Variants in CPEB3 observed in about 807,000 individuals in gnomAD.
CPEB3 encodes cytoplasmic polyadenylation element-binding protein 3.
Under a neutral mutation model 67.2 loss-of-function variants are expected in CPEB3, and 20 were observed. That is an observed-to-expected ratio of 0.30 (90% CI 0.21 to 0.43). The LOEUF is 0.43. Ranked by LOEUF, CPEB3 falls within the 20% of genes least tolerant of loss-of-function variation. CPEB3 has a pLI of 1.00. For synonymous variants in CPEB3, 376 were observed against 393.1 expected, an observed-to-expected ratio of 0.96 and a Z score of 0.51; for missense variants, 746 against 968.6, an observed-to-expected ratio of 0.77 and a Z score of 3.05.
At chr10:92,064,384 T>C (rs1438090449) in intron 9 of CPEB3, among the ~76,000 whole-genome samples, 1 of 152,202 alleles carries the variant, frequency 6.6e-6, no homozygotes, top group African/African-American at 2.4e-5. Context: ...ACATTAGCTC[T>C]GAGGTTGGGT....
At chr10:92,262,645 A>T (rs1852854881) in intron 1 of CPEB3, among the ~76,000 whole-genome samples, 1 of 152,088 alleles carries the variant, frequency 6.6e-6, no homozygotes, top group Non-Finnish European at 1.5e-5. Context: ...CCAGGAGTTC[A>T]AGACCAGCCT....
rs573479655 is a variant in CPEB3, at chr10:92,215,587, GC to G, written c.1006-22952del. ...CTCCTGAGTAGCTGGGATTACAGGC[GC>G]CCACCACTACGCCCAGCTAATTATC... On this transcript the variant is annotated intron_variant, in intron 2 of 9. Coordinates refer to ENST00000265997, the MANE Select transcript of CPEB3 (RefSeq NM_014912.5). Among the ~76,000 whole-genome samples, 22 of 148,842 alleles carry G rather than the reference GC, an allele frequency of 1.5e-4. 1 individual carries two copies. The highest frequency in any genetic ancestry group is 5.2e-4 in the African/African-American group (21 of 40,308).
At chr10:92,268,918 G>C (rs1853180818) in intron 1 of CPEB3, among the ~76,000 whole-genome samples, 1 of 152,094 alleles carries the variant, frequency 6.6e-6, no homozygotes, top group Admixed American at 6.6e-5. Flanking sequence ...GGCACAATTG[G>C]CAAATACACT....
chr10:92,223,033 G>C (rs546754615), intron 2 of CPEB3, among the ~76,000 whole-genome samples: 2 of 152,036 alleles, frequency 1.3e-5, no homozygotes, highest in African/African-American at 4.8e-5. Flanking sequence ...CTTTTATTGC[G>C]TATAATCCTC....
At chr10:92,092,290 C>G (rs551970831) in intron 7 of CPEB3, among the ~76,000 whole-genome samples, 1 of 152,134 alleles carries the variant, frequency 6.6e-6, no homozygotes, top group Admixed American at 6.5e-5. Context: ...CTGTTTACAA[C>G]GTGTCACAGT....
chr10:92,226,916 G>A (rs190745748), intron 2 of CPEB3, among the ~76,000 whole-genome samples: 39 of 152,086 alleles, frequency 2.6e-4, no homozygotes, highest in Admixed American at 2.6e-3. Context: ...CCAGATGTCC[G>A]CCCCCTCCCC....
At position 92,049,205 on chromosome 10, in the gene CPEB3, CTTTT is replaced by C. The variant is rs1243756006; in HGVS notation, c.*3003_*3006del. ...ATAAATCTGCAATAAAGATTTATGC[CTTTT>C]TTCTTTTCTTTTTTTTTTCTATTTT... On this transcript the variant is annotated 3_prime_UTR_variant, in exon 10 of 10. Coordinates refer to ENST00000265997, the MANE Select transcript of CPEB3 (RefSeq NM_014912.5). 6.6e-6 allele frequency: 1 copy of C among 151,954 alleles called. No individual in the cohort carries two copies. The highest frequency in any genetic ancestry group is 1.5e-5 in the Non-Finnish European group (1 of 67,894). 9.4% of individuals were successfully genotyped at this position (151,954 alleles called of 1,614,324 possible).
At chr10:92,090,049 T>A (rs1391482482) in intron 8 of CPEB3, among the ~76,000 whole-genome samples, 1 of 152,176 alleles carries the variant, frequency 6.6e-6, no homozygotes, top group African/African-American at 2.4e-5. Context: ...CCCTTACCTA[T>A]CCTTCCAAAT....
At chr10:92,267,904 C>A (rs1242714939) in intron 1 of CPEB3, among the ~76,000 whole-genome samples, 1 of 152,136 alleles carries the variant, frequency 6.6e-6, no homozygotes, top group Non-Finnish European at 1.5e-5. Context: ...CTGCCGCCTC[C>A]GCCTCCCGGG....
At chr10:92,125,186 G>A (rs1014412719) in intron 6 of CPEB3, among the ~76,000 whole-genome samples, 3 of 152,212 alleles carry the variant, frequency 2.0e-5, no homozygotes, top group Non-Finnish European at 4.4e-5. Context: ...CAAGGGTTTG[G>A]TCACTCTTGT....
intron 2 of CPEB3, among the ~76,000 whole-genome samples, chr10:92,206,625 T>TA (rs1433638831): frequency 3.3e-4 from 50 of 152,240 alleles, no homozygotes; most frequent in Non-Finnish European, 5.3e-4. Context: ...TTTATATATT[T>TA]ATTTATGTTC....
At chr10:92,231,325 T>C (rs2134563448) in intron 2 of CPEB3, among the ~76,000 whole-genome samples, 1 of 152,358 alleles carries the variant, frequency 6.6e-6, no homozygotes, top group South Asian at 2.1e-4. Flanking sequence ...ATATCAACAA[T>C]ATTTCCTCTT....
Position 92,203,457 on chromosome 10 carries a change from T to C in CPEB3, c.1006-10821A>G, listed in dbSNP as rs150075816. On this transcript the variant is annotated intron_variant, in intron 2 of 9. Transcript: ENST00000265997. ...ATATGTATATGTATATATATACGTATATATGTATATGTGTATATATATGTG... is the reference window on the plus strand; with the variant it reads ...ATATGTATATGTATATATATACGTACATATGTATATGTGTATATATATGTG... Among the ~76,000 whole-genome samples, 777 of 147,534 alleles carry C rather than the reference T, an allele frequency of 5.3e-3. 7 individuals are homozygous for C. Among genetic ancestry groups the C allele is most frequent in the African/African-American group, 0.018 (743 of 40,626 alleles).
chr10:92,192,192 C>T (rs1001491622), intron 3 of CPEB3, among the ~76,000 whole-genome samples: 5 of 152,052 alleles, frequency 3.3e-5, no homozygotes, highest in African/African-American at 1.2e-4. Flanking sequence ...TGCACAAAGC[C>T]CAGAAAACCT....
rs140779166 is a variant in CPEB3, at chr10:92,052,232, C to T, written c.2077G>A (p.Val693Ile). Residue 693 changes from valine (V) to isoleucine (I), a missense_variant, in exon 10 of 10, where the codon GTC becomes ATC. Val to Ile is a conservative substitution (Grantham distance 29). Transcript: ENST00000265997. ...VKEGGDRPRH[V>I]PFRWS is the part of the protein sequence containing the mutation. ...GTGGCTCAGCTCCAGCGGAACGGGA[C>T]GTGACGAGGGCGGTCGCCTCCCTCC... is the stretch of plus-strand genomic sequence containing the variant. The T allele has an allele frequency of 1.1e-3, 1,767 of 1,613,608 alleles. 2 individuals carry two copies. The highest frequency in any genetic ancestry group is 1.2e-3 in the South Asian group (113 of 91,058).
At chr10:92,135,613 A>C (rs1023595590) in intron 6 of CPEB3, among the ~76,000 whole-genome samples, 3 of 152,204 alleles carry the variant, frequency 2.0e-5, no homozygotes, top group African/African-American at 4.8e-5. Context: ...CAATTCCTCA[A>C]GGATCTAGAA....
intron 6 of CPEB3, among the ~76,000 whole-genome samples, chr10:92,116,469 T>C (rs1207156866): frequency 6.6e-6 from 1 of 152,012 alleles, no homozygotes; most frequent in African/African-American, 2.4e-5. Flanking sequence ...ATGTCAGATG[T>C]AGTATTATTT....
intron 9 of CPEB3, among the ~76,000 whole-genome samples, chr10:92,062,117 T>C (rs1038483622): frequency 1.3e-5 from 2 of 151,708 alleles, no homozygotes; most frequent in African/African-American, 4.8e-5. Flanking sequence ...TGGTGGCGCC[T>C]GTAATTCCAG....
chr10:92,227,815 T>G (rs1298918429), intron 2 of CPEB3, among the ~76,000 whole-genome samples: 3 of 152,046 alleles, frequency 2.0e-5, no homozygotes, highest in Non-Finnish European at 4.4e-5. Context: ...ATGGTCTCGA[T>G]CTCCTGACCT....
Sources: allele counts gnomAD v4.1 joint callset (sites outside exome capture counted in the v4.1 genomes callset), GRCh38; gene constraint gnomAD v4.1.1; transcripts MANE v1.5; gene names NCBI Gene and HGNC (gene_info 2026-07-23, HGNC 2026-07-21).